The following LDLRAD4 variants were observed in gnomAD, a reference collection of about 807,000 sequenced individuals.
LDLRAD4 encodes the protein low-density lipoprotein receptor class A domain-containing protein 4.
In LDLRAD4, 5 loss-of-function variants were observed where a neutral mutation model predicts 17.0. That is an observed-to-expected ratio of 0.29 (90% CI 0.15 to 0.62). The LOEUF is 0.62. Among genes scored for constraint, LDLRAD4 ranks in the 20% least tolerant of loss-of-function variants. LDLRAD4 has a pLI of 0.84. For missense variants in LDLRAD4, 340 were observed against 424.7 expected, an observed-to-expected ratio of 0.80 and a Z score of 1.75; for synonymous variants, 168 against 171.8, an observed-to-expected ratio of 0.98 and a Z score of 0.17.
At chr18:13,519,743 G>A (rs1332940970) in intron 3 of LDLRAD4, 2 of 152,194 alleles carry the variant, frequency 1.3e-5, no homozygotes. Flanking sequence ...TCCAGCCTGG[G>A]TGACAGAAGG....
chr18:13,500,307 C>G (rs1476253666), intron 3 of LDLRAD4, among the ~76,000 whole-genome samples: 1 of 152,230 alleles, frequency 6.6e-6, no homozygotes, highest in Non-Finnish European at 1.5e-5. Flanking sequence ...AAAGTCCCTC[C>G]TCTGGAGCGC....
intron 3 of LDLRAD4, among the ~76,000 whole-genome samples, chr18:13,467,569 A>G (rs1354659028): frequency 6.6e-6 from 1 of 152,218 alleles, no homozygotes; most frequent in Non-Finnish European, 1.5e-5. Context: ...CATAAATACT[A>G]CCTAAAGCCA....
intron 3 of LDLRAD4, among the ~76,000 whole-genome samples, chr18:13,541,438 G>A (rs1259806685): frequency 6.6e-6 from 1 of 152,214 alleles, no homozygotes; most frequent in East Asian, 1.9e-4. Flanking sequence ...ATGCAAAAGG[G>A]TGTGCACACT....
chr18:13,453,118 A>G (rs372781362), intron 3 of LDLRAD4, among the ~76,000 whole-genome samples: 94 of 152,304 alleles, frequency 6.2e-4, no homozygotes, highest in African/African-American at 2.1e-3. Flanking sequence ...AATCACAGGG[A>G]CAGTCATCGT....
At chr18:13,541,246 T>C (rs1454304253) in intron 3 of LDLRAD4, among the ~76,000 whole-genome samples, 1 of 152,218 alleles carries the variant, frequency 6.6e-6, no homozygotes. Context: ...CAATAACTAT[T>C]CAAGGACACT....
intron 3 of LDLRAD4, chr18:13,501,140 A>G (rs1244389382): frequency 6.6e-6 from 1 of 152,192 alleles, no homozygotes; most frequent in African/African-American, 2.4e-5. Context: ...CGGGGGGTGG[A>G]GTAGGGGCTA....
rs954259094 is a variant in LDLRAD4, at chr18:13,575,965, A to G, written c.182-45152A>G. Among the ~76,000 whole-genome samples the G allele has an allele frequency of 3.9e-5, 6 of 152,280 alleles. No homozygotes were observed. In the East Asian group the frequency reaches 1.2e-3, roughly 29 times the overall value. On this transcript the variant is annotated intron_variant, in intron 3 of 5. Transcript: ENST00000359446. ...AATTTGTTTGAGTTCCTTGTAGATT[A>G]TAGATATTAGTCCTTTGTCAGATGT...
At chr18:13,277,022 C>A (rs2044917577), upstream of LDLRAD4, among the ~76,000 whole-genome samples, 1 of 152,178 alleles carries the variant, frequency 6.6e-6, no homozygotes, top group South Asian at 2.1e-4. Flanking sequence ...CATCTCTCAG[C>A]AGGCAGGAAA....
intron 3 of LDLRAD4, among the ~76,000 whole-genome samples, chr18:13,595,106 TTAG>T (rs1484576132): frequency 4.6e-5 from 7 of 152,262 alleles, no homozygotes; most frequent in African/African-American, 1.7e-4. Flanking sequence ...ATTCCTGATT[TTAG>T]TAGTCTTTTC....
intron 2 of LDLRAD4, among the ~76,000 whole-genome samples, chr18:13,426,293 A>G (rs1271099577): frequency 6.6e-6 from 1 of 152,242 alleles, no homozygotes; most frequent in East Asian, 1.9e-4. Flanking sequence ...AGACAAAGGA[A>G]TTTAGGAAAT....
At chr18:13,236,735 G>A (rs2042358263) in intron 1 of LDLRAD4, among the ~76,000 whole-genome samples, 1 of 152,126 alleles carries the variant, frequency 6.6e-6, no homozygotes, top group South Asian at 2.1e-4. Context: ...TGTTGGAGTG[G>A]GGGTGTCTCC....
At chr18:13,617,171 TAAAC>T (rs1283873758) in intron 3 of LDLRAD4, among the ~76,000 whole-genome samples, 3 of 152,060 alleles carry the variant, frequency 2.0e-5, no homozygotes, top group Non-Finnish European at 4.4e-5. Flanking sequence ...CTCCTGGTCT[TAAAC>T]AATTCCCCCG....
intron 1 of LDLRAD4, among the ~76,000 whole-genome samples, chr18:13,298,979 G>C (rs773604766): frequency 1.3e-5 from 2 of 152,354 alleles, no homozygotes; most frequent in Admixed American, 6.5e-5. Context: ...CATTCTAAAA[G>C]GGAGTGCTTA....
chr18:13,299,956 A>G (rs1429771516), intron 1 of LDLRAD4, among the ~76,000 whole-genome samples: 1 of 152,010 alleles, frequency 6.6e-6, no homozygotes, highest in Non-Finnish European at 1.5e-5. Context: ...TCTGGAGGAT[A>G]TTTTTCCCCA....
intron 1 of LDLRAD4, among the ~76,000 whole-genome samples, chr18:13,245,245 C>G (rs1475903901): frequency 2.0e-5 from 3 of 152,182 alleles, no homozygotes; most frequent in African/African-American, 7.2e-5. Flanking sequence ...TTCATCCCAG[C>G]CCCTCTATTC....
chr18:13,568,056 G>A (rs1384359114), intron 3 of LDLRAD4, among the ~76,000 whole-genome samples: 2 of 151,724 alleles, frequency 1.3e-5, no homozygotes, highest in Non-Finnish European at 2.9e-5. Context: ...AGGCCGAGGA[G>A]GTGGGGGGTG....
chr18:13,621,272 G>A lies in LDLRAD4; in HGVS notation c.336+1G>A. 1 of 1,610,786 alleles carries A rather than the reference G, an allele frequency of 6.2e-7. No individual in the cohort carries two copies. Among genetic ancestry groups the A allele is most frequent in the Non-Finnish European group, 8.5e-7 (1 of 1,179,062 alleles). ...GAGGCGGGAGGACGGGCTGCCGCAG[G>A]TGAGTACCCTGGCCGCCCCGGCTCC... On this transcript the variant is annotated splice_donor_variant, in intron 4 of 5. Transcript: ENST00000359446. LOFTEE classifies it high-confidence loss of function. This position sits in a 1 kb window ranked among gnomAD's most constrained non-coding sequence, Gnocchi z 5.5.
At chr18:13,599,423 A>G (rs2095133750) in intron 3 of LDLRAD4, among the ~76,000 whole-genome samples, 1 of 150,840 alleles carries the variant, frequency 6.6e-6, no homozygotes. Context: ...TTCAGCAATT[A>G]TGGTTGTTTT....
intron 1 of LDLRAD4, among the ~76,000 whole-genome samples, chr18:13,312,037 G>T (rs781090617): frequency 3.9e-5 from 6 of 151,922 alleles, no homozygotes; most frequent in South Asian, 4.2e-4. Flanking sequence ...GGGTTTCACC[G>T]TGTTAGCCAG....
Sources: gnomAD v4.1 joint callset for allele counts (sites outside exome capture counted in the v4.1 genomes callset) on GRCh38, gnomAD v4.1.1 for gene constraint, Gnocchi (gnomAD v3.1) non-coding constraint, MANE v1.5 for transcripts, NCBI Gene and HGNC (gene_info 2026-07-23, HGNC 2026-07-21) for gene names.